The following P2RY8 variants were observed in gnomAD, a reference collection of about 807,000 sequenced individuals.
P2RY8 encodes the protein P2Y receptor family member 8.
Under a neutral mutation model 10.0 loss-of-function variants are expected in P2RY8, and 6 were observed. The ratio of observed to expected loss-of-function variants is 0.60; its 90% CI spans 0.33 to 1.19. The LOEUF is 1.19. Among genes scored for constraint, P2RY8 ranks in the 50% most tolerant of loss-of-function variants. The pLI is 0.04. For synonymous variants in P2RY8, 276 were observed against 252.5 expected (o/e 1.09, Z -0.88); for missense variants, 456 against 542.0 (o/e 0.84, Z 1.58).
intron 1 of P2RY8, among the ~76,000 whole-genome samples, chrX:1,478,197 C>G (rs2091896580): frequency 6.6e-6 from 1 of 151,382 alleles, no homozygotes; most frequent in Non-Finnish European, 1.5e-5. Flanking sequence ...AAGCATTTCT[C>G]TGTATGATGG....
intron 1 of P2RY8, among the ~76,000 whole-genome samples, chrX:1,502,344 G>A (rs2149398369): frequency 6.6e-6 from 1 of 152,270 alleles, no homozygotes; most frequent in East Asian, 1.9e-4. Flanking sequence ...GCAGGGGTGG[G>A]GGTGGCAAAC....
chrX:1,512,546 C>CAAA (rs573449530), intron 1 of P2RY8, among the ~76,000 whole-genome samples: 22,833 of 96,516 alleles, frequency 0.24, 3,153 homozygotes, highest in Middle Eastern at 0.36. Context: ...GACTCCGTCT[C>CAAA]AAAAAAAAAA....
Position 1,463,716 on chromosome X carries a change from G to C in P2RY8, c.*1763C>G, listed in dbSNP as rs1184488053. On this transcript the variant is annotated 3_prime_UTR_variant, in exon 2 of 2. Transcript: ENST00000381297. ...ATCCAGTTCCCTCCAGAGACTCTAG[G>C]GGAGGGTCCTTCCTGCCTCTCCCAG... 4.3e-6 allele frequency: 1 copy of C among 232,366 alleles called. No homozygotes were observed. Among genetic ancestry groups the C allele is most frequent in the Non-Finnish European group, 8.5e-6 (1 of 117,818 alleles). 14.4% of individuals were successfully genotyped at this position (232,366 alleles called of 1,614,324 possible). A position where few individuals can be genotyped will look rare whatever the true frequency, so the allele number is the denominator to read the frequency against.
At chrX:1,483,367 G>A (rs757780579) in intron 1 of P2RY8, among the ~76,000 whole-genome samples, 16 of 151,940 alleles carry the variant, frequency 1.1e-4, no homozygotes, top group African/African-American at 3.9e-4. Context: ...AGGCGTGGTG[G>A]CTCATGCCTG....
intron 1 of P2RY8, among the ~76,000 whole-genome samples, chrX:1,477,859 A>G (rs2091893011): frequency 1.3e-5 from 2 of 152,196 alleles, no homozygotes; most frequent in Admixed American, 1.3e-4. Context: ...GGGGAGAGAA[A>G]AGACCCCAGG....
Position 1,470,748 on chromosome X carries a change from CT to C in P2RY8, c.-24-4167del, listed in dbSNP as rs1374512292. Among the ~76,000 whole-genome samples the C allele has an allele frequency of 2.6e-5, 4 of 152,066 alleles. No homozygotes were observed. The East Asian group carries it at 7.7e-4, about 29-fold the overall frequency. The stretch of plus-strand genomic sequence containing the variant: ...TGCAGCCTGGGTCAGAGCTTGAGTC[CT>C]TTCAGTGGGTGCATAATAGTCTACT... On this transcript the variant is annotated intron_variant, in intron 1 of 1. Transcript: ENST00000381297.
At chrX:1,514,038 T>G (rs781578394) in intron 1 of P2RY8, among the ~76,000 whole-genome samples, 1 of 152,320 alleles carries the variant, frequency 6.6e-6, no homozygotes, top group Admixed American at 6.5e-5. Context: ...TCCTATCTTT[T>G]GCAGGTACGC....
chrX:1,530,489 C>CTATG (rs1205600668), intron 1 of P2RY8, among the ~76,000 whole-genome samples: 2 of 146,000 alleles, frequency 1.4e-5, no homozygotes, highest in Non-Finnish European at 3.0e-5. Flanking sequence ...CCTATCTAAT[C>CTATG]TATGTATGTA....
intron 1 of P2RY8, among the ~76,000 whole-genome samples, chrX:1,485,111 G>C (rs1262868417): frequency 2.0e-5 from 3 of 149,484 alleles, no homozygotes; most frequent in Non-Finnish European, 4.4e-5. Flanking sequence ...TTACAGGTCT[G>C]AGCCACTGCA....
rs1197426284 is a variant in P2RY8 at position 1,509,412 on chromosome X, C to CTATCT, written c.-25+27508_-25+27509insAGATA. On this transcript the variant is annotated intron_variant, in intron 1 of 1. Transcript: ENST00000381297. The stretch of plus-strand genomic sequence containing the variant: ...TCTATCTATCTATCTATCTATCTAT[C>CTATCT]TATTTCTATTATCTATCTATCATCT... 2.4e-5 allele frequency among the ~76,000 whole-genome samples: 3 copies of CTATCT among 124,028 alleles called. 1 individual carries two copies. The highest frequency in any genetic ancestry group is 5.8e-5 in the African/African-American group (2 of 34,648). The allele number at this position is 124,028 out of a possible 152,430, so 81.4% of individuals were successfully genotyped here.
intron 1 of P2RY8, among the ~76,000 whole-genome samples, chrX:1,514,177 T>A (rs2092321111): frequency 6.6e-6 from 1 of 152,158 alleles, no homozygotes; most frequent in African/African-American, 2.4e-5. Context: ...AGATGGATTA[T>A]CTCCCCACAT....
intron 1 of P2RY8, among the ~76,000 whole-genome samples, chrX:1,487,068 C>T (rs1357837193): frequency 6.6e-6 from 1 of 152,224 alleles, no homozygotes; most frequent in African/African-American, 2.4e-5. Flanking sequence ...GCCGGCTGCG[C>T]AAGCCTTCCC....
At chrX:1,476,086 G>A (rs2091869544) in intron 1 of P2RY8, among the ~76,000 whole-genome samples, 2 of 152,140 alleles carry the variant, frequency 1.3e-5, no homozygotes, top group Non-Finnish European at 2.9e-5. Flanking sequence ...CATGACCCAG[G>A]CATCAGACCC....
At chrX:1,510,810 C>T (rs1569538202) in intron 1 of P2RY8, among the ~76,000 whole-genome samples, 4 of 152,082 alleles carry the variant, frequency 2.6e-5, no homozygotes, top group East Asian at 1.9e-4. Context: ...ACCTGGGAGG[C>T]GGAGGTTGCA....
intron 1 of P2RY8, among the ~76,000 whole-genome samples, chrX:1,490,743 G>T (rs1177489214): frequency 1.3e-5 from 2 of 149,578 alleles, no homozygotes; most frequent in African/African-American, 5.0e-5. Flanking sequence ...AATGTGGGGG[G>T]AATGAATGAA....
At chrX:1,521,910 T>C (rs2092394489) in intron 1 of P2RY8, among the ~76,000 whole-genome samples, 1 of 151,496 alleles carries the variant, frequency 6.6e-6, no homozygotes, top group Non-Finnish European at 1.5e-5. Context: ...GCATGGTTAT[T>C]TTTTCTTATG....
At chrX:1,467,596 G>C (rs2091706499) in intron 1 of P2RY8, among the ~76,000 whole-genome samples, 1 of 152,258 alleles carries the variant, frequency 6.6e-6, no homozygotes, top group South Asian at 2.1e-4. Flanking sequence ...ATGAAAAAGT[G>C]TCTGTCAAAG....
chrX:1,534,475 G>A (rs2092510101), intron 1 of P2RY8, among the ~76,000 whole-genome samples: 1 of 151,974 alleles, frequency 6.6e-6, no homozygotes, highest in African/African-American at 2.4e-5. Context: ...TGTAGGCAGG[G>A]TGTTGTGTGT....
At chrX:1,524,299 C>T (rs1464702241) in intron 1 of P2RY8, among the ~76,000 whole-genome samples, 6 of 152,038 alleles carry the variant, frequency 3.9e-5, no homozygotes, top group African/African-American at 1.4e-4. Flanking sequence ...TCCCTTTATT[C>T]ACTCATTCAT....
Sources: gnomAD v4.1 joint callset for allele counts (sites outside exome capture counted in the v4.1 genomes callset) on GRCh38, gnomAD v4.1.1 for gene constraint, MANE v1.5 for transcripts, NCBI Gene and HGNC (gene_info 2026-07-23, HGNC 2026-07-21) for gene names.